Variants in PTPRN2 observed in about 807,000 individuals in gnomAD.
The protein encoded by PTPRN2 is protein tyrosine phosphatase receptor type N2.
A neutral mutation model predicts 118.8 loss-of-function variants in PTPRN2; 74 were observed. The ratio of observed to expected loss-of-function variants is 0.62; its 90% CI spans 0.52 to 0.76. The LOEUF (loss-of-function observed/expected upper bound fraction) is 0.76, where lower values mean the gene tolerates loss of function less well. Among genes scored for constraint, PTPRN2 ranks in the 30% least tolerant of loss-of-function variants. The pLI is 0.00. For missense variants in PTPRN2, 1,481 were observed against 1,394.4 expected, an observed-to-expected ratio of 1.06 and a Z score of -0.99; for synonymous variants, 641 against 608.0, an observed-to-expected ratio of 1.05 and a Z score of -0.80.
At chr7:158,568,469 A>C (rs2129451300) in intron 1 of PTPRN2, among the ~76,000 whole-genome samples, 1 of 152,254 alleles carries the variant, frequency 6.6e-6, no homozygotes, top group East Asian at 1.9e-4. Context: ...AAAAAAAAAA[A>C]ACAGCTTTTA....
chr7:157,717,710 C>A (rs914724507), intron 12 of PTPRN2, among the ~76,000 whole-genome samples: 1 of 152,270 alleles, frequency 6.6e-6, no homozygotes, highest in Non-Finnish European at 1.5e-5. Context: ...GCTGCAGGAC[C>A]GCTGGCTGGG....
chr7:157,738,727 G>C (rs1237704915), intron 12 of PTPRN2, among the ~76,000 whole-genome samples: 1 of 152,158 alleles, frequency 6.6e-6, no homozygotes, highest in Admixed American at 6.5e-5. Flanking sequence ...TTAGGGTTTT[G>C]TATGTATTAT....
At chr7:157,843,407 G>C (rs1288992473) in intron 12 of PTPRN2, among the ~76,000 whole-genome samples, 2 of 148,742 alleles carry the variant, frequency 1.3e-5, no homozygotes, top group Non-Finnish European at 2.9e-5. Context: ...GGGCCGGCGT[G>C]GGGGTTTATG....
At chr7:157,578,741 A>T (rs978092935) in intron 17 of PTPRN2, among the ~76,000 whole-genome samples, 1 of 152,222 alleles carries the variant, frequency 6.6e-6, no homozygotes, top group Admixed American at 6.5e-5. Flanking sequence ...GCACATTTAA[A>T]CCCACAGAAA....
chr7:158,498,519 T>C (rs1248059879), intron 1 of PTPRN2, among the ~76,000 whole-genome samples: 1 of 134,020 alleles, frequency 7.5e-6, no homozygotes, highest in Non-Finnish European at 1.7e-5. Context: ...ACCTCAACTA[T>C]ATTTATTCTA....
chr7:158,250,372 A>G (rs1309835865), intron 3 of PTPRN2, among the ~76,000 whole-genome samples: 1 of 152,294 alleles, frequency 6.6e-6, no homozygotes, highest in South Asian at 2.1e-4. Flanking sequence ...TTTATAGCAT[A>G]ATGCATGCCT....
At chr7:157,948,842 G>C (rs1277319054) in intron 11 of PTPRN2, among the ~76,000 whole-genome samples, 2 of 152,164 alleles carry the variant, frequency 1.3e-5, no homozygotes, top group Non-Finnish European at 2.9e-5. Context: ...GGTGAGTCCG[G>C]TTGGCCTTAA....
chr7:157,834,958 C>T (rs988719008), intron 12 of PTPRN2, among the ~76,000 whole-genome samples: 3 of 152,216 alleles, frequency 2.0e-5, no homozygotes, highest in African/African-American at 7.2e-5. Context: ...GGAAAGAATG[C>T]ATGTAGCCTG....
chr7:157,752,674 T>C (rs1801552351), intron 12 of PTPRN2, among the ~76,000 whole-genome samples: 1 of 152,220 alleles, frequency 6.6e-6, no homozygotes, highest in South Asian at 2.1e-4. Context: ...ACCCTCTCTG[T>C]TTCCGTCTTC....
At chr7:158,445,102 T>C (rs927607748) in intron 2 of PTPRN2, among the ~76,000 whole-genome samples, 1 of 152,150 alleles carries the variant, frequency 6.6e-6, no homozygotes, top group African/African-American at 2.4e-5. Flanking sequence ...TCACCCTCGC[T>C]GGGCAAGAGC....
At chr7:158,197,259 G>T (rs1826279852) in intron 4 of PTPRN2, among the ~76,000 whole-genome samples, 1 of 152,210 alleles carries the variant, frequency 6.6e-6, no homozygotes. Flanking sequence ...CTGGGTATCA[G>T]CAAGAAGTGT....
At chr7:158,192,077 G>T (rs931798007) in intron 5 of PTPRN2, among the ~76,000 whole-genome samples, 1 of 152,100 alleles carries the variant, frequency 6.6e-6, no homozygotes. Context: ...CTGGAGTCAC[G>T]ACACCTTGTC....
intron 12 of PTPRN2, among the ~76,000 whole-genome samples, chr7:157,811,778 CA>C (rs1451585486): frequency 6.6e-6 from 1 of 152,148 alleles, no homozygotes; most frequent in Non-Finnish European, 1.5e-5. Context: ...GAGGTCCAAA[CA>C]GCGGGTCCAA....
rs1799146937 is a variant in PTPRN2, at chr7:157,560,728, C to T, written c.2902+8174G>A. On this transcript the variant is annotated intron_variant, in intron 21 of 22. Coordinates refer to ENST00000389418, the MANE Select transcript of PTPRN2 (RefSeq NM_002847.5). This position sits in a 1 kb window ranked among gnomAD's most constrained non-coding sequence, Gnocchi z 6.7. ...CTCCCTCTCCCCTTCCCTCCTCCCA[C>T]CTCACCCAATTCTGGGCACTTTTTC... is the stretch of plus-strand genomic sequence containing the variant. Among the ~76,000 whole-genome samples the T allele has an allele frequency of 6.6e-6, 1 of 152,224 alleles. No homozygotes were observed. Among genetic ancestry groups the T allele is most frequent in the Admixed American group, 6.5e-5 (1 of 15,276 alleles).
intron 12 of PTPRN2, among the ~76,000 whole-genome samples, chr7:157,804,288 C>G (rs1174542204): frequency 6.6e-6 from 1 of 152,226 alleles, no homozygotes; most frequent in Non-Finnish European, 1.5e-5. Context: ...CTTCATGAAA[C>G]AATTTGCTAA....
chr7:157,840,218 CGTGTGACT>C lies in PTPRN2; in HGVS notation c.1788+58447_1788+58454del, dbSNP rs574955025. Among the ~76,000 whole-genome samples, 24 of 121,114 alleles carry C rather than the reference CGTGTGACT, an allele frequency of 2.0e-4. 1 individual carries two copies. The South Asian group carries it at 5.6e-3, about 28-fold the overall frequency. 79.5% of individuals were successfully genotyped at this position (121,114 alleles called of 152,430 possible). A position where few individuals can be genotyped will look rare whatever the true frequency, so the allele number is the denominator to read the frequency against. Reference sequence around the variant, plus strand: ...GTGACCGCGTGTGACTGTGTGGCCACGTGTGACTGTGTGACTGTGTGTGACTGTGTAAC... The same window carrying C: ...GTGACCGCGTGTGACTGTGTGGCCACGTGTGACTGTGTGTGACTGTGTAAC... On this transcript the variant is annotated intron_variant, in intron 12 of 22. Transcript: ENST00000389418.
At chr7:158,233,721 T>C (rs1412565059) in intron 3 of PTPRN2, among the ~76,000 whole-genome samples, 1 of 152,224 alleles carries the variant, frequency 6.6e-6, no homozygotes, top group Non-Finnish European at 1.5e-5. Context: ...CTTCGAAATA[T>C]GCTTCAAAGC....
intron 2 of PTPRN2, among the ~76,000 whole-genome samples, chr7:158,329,128 G>A (rs1221198981): frequency 6.6e-6 from 1 of 152,212 alleles, no homozygotes; most frequent in African/African-American, 2.4e-5. Context: ...GGAGGCGCAC[G>A]ACAGAAGCCA....
At chr7:158,142,640 A>G (rs993788155) in intron 6 of PTPRN2, among the ~76,000 whole-genome samples, 5 of 151,922 alleles carry the variant, frequency 3.3e-5, no homozygotes, top group African/African-American at 1.2e-4. Flanking sequence ...GGGCCCACCA[A>G]CCCCCACACA....
Sources: gnomAD v4.1 joint callset for allele counts (sites outside exome capture counted in the v4.1 genomes callset) on GRCh38, gnomAD v4.1.1 for gene constraint, Gnocchi (gnomAD v3.1) non-coding constraint, MANE v1.5 for transcripts, NCBI Gene and HGNC (gene_info 2026-07-23, HGNC 2026-07-21) for gene names.